MYRFL: variants seen among roughly 807,000 people sequenced by gnomAD.
The protein encoded by MYRFL is myelin regulatory factor like, also known as myelin regulatory factor-like protein.
Under a neutral mutation model 109.4 loss-of-function variants are expected in MYRFL, and 88 were observed. The ratio of observed to expected loss-of-function variants is 0.80; its 90% CI spans 0.68 to 0.96. The LOEUF is 0.96. MYRFL is among the 40% of genes least tolerant of loss of function. The pLI, the probability that MYRFL is intolerant of heterozygous loss-of-function variation, is 0.00. For synonymous variants in MYRFL, 324 were observed against 320.9 expected (o/e 1.01, Z -0.10); for missense variants, 957 against 954.9 (o/e 1.00, Z -0.03).
chr12:69,891,596 T>TCTCTTTCTTTCTTTCTTTCCTCCTTC (rs1244292732), intron 7 of MYRFL, among the ~76,000 whole-genome samples: 8 of 122,780 alleles, frequency 6.5e-5, no homozygotes, highest in Non-Finnish European at 1.4e-4. Flanking sequence ...TTTCTTTCTT[T>TCTCTTTCTTTCTTTCTTTCCTCCTTC]CTTTCTTTCT....
chr12:69,866,793 G>A (rs1371715860), intron 2 of MYRFL, among the ~76,000 whole-genome samples: 1 of 152,186 alleles, frequency 6.6e-6, no homozygotes, highest in African/African-American at 2.4e-5. Context: ...AGGACCAAAT[G>A]CTCTATAAAA....
intron 2 of MYRFL, among the ~76,000 whole-genome samples, chr12:69,859,534 G>C (rs550720269): frequency 6.6e-6 from 1 of 152,320 alleles, no homozygotes; most frequent in African/African-American, 2.4e-5. Flanking sequence ...AAAGTTATGT[G>C]GTTAAGTGCA....
intron 23 of MYRFL, 96 bp from the exon 24 acceptor site, chr12:69,958,153 C>T: frequency 8.2e-7 from 1 of 1,226,270 alleles, no homozygotes; most frequent in East Asian, 2.5e-5. Context: ...AATACTTCTC[C>T]TACAGTCATT....
At chr12:69,924,536 G>A (rs1393100741) in intron 13 of MYRFL, among the ~76,000 whole-genome samples, 1 of 150,010 alleles carries the variant, frequency 6.7e-6, no homozygotes, top group African/African-American at 2.5e-5. Flanking sequence ...GTTTGATTGT[G>A]GTCTCTTTTA....
In MYRFL at chr12:69,891,006, G is replaced by T; in HGVS notation, c.743G>T (p.Gly248Val). ...GGCTATCGAGTTGTAACAGACAAAGGATTTAATTTTTCACCAGCAGATGAA... is the reference window on the plus strand; with the variant it reads ...GGCTATCGAGTTGTAACAGACAAAGTATTTAATTTTTCACCAGCAGATGAA... ...DVGYRVVTDK[G>V]FNFSPADEAF... Residue 248 changes from glycine (G) to valine (V), a missense_variant, in exon 7 of 25, where the codon GGA becomes GTA. Coordinates refer to ENST00000552032, the MANE Select transcript of MYRFL (RefSeq NM_182530.3). The T allele has an allele frequency of 6.5e-7, 1 of 1,533,550 alleles. No individual in the cohort carries two copies. Among genetic ancestry groups the T allele is most frequent in the Non-Finnish European group, 8.7e-7 (1 of 1,145,796 alleles). 95.0% of individuals were successfully genotyped at this position (1,533,550 alleles called of 1,614,324 possible).
chr12:69,897,841 A>G (rs1954048936), intron 10 of MYRFL, among the ~76,000 whole-genome samples: 2 of 152,218 alleles, frequency 1.3e-5, no homozygotes, highest in African/African-American at 4.8e-5. Context: ...CATCTGGGCT[A>G]CTGTCTAGCA....
intron 19 of MYRFL, among the ~76,000 whole-genome samples, chr12:69,937,153 T>C (rs1363805052): frequency 6.6e-6 from 1 of 151,988 alleles, no homozygotes; most frequent in East Asian, 1.9e-4. Flanking sequence ...CATACCAATG[T>C]TATTCAAGTA....
rs1207384114 is a variant in MYRFL at position 69,852,578 on chromosome 12, A to G, written c.47-2702A>G. On this transcript the variant is annotated intron_variant, in intron 1 of 24. Coordinates refer to ENST00000552032, the MANE Select transcript of MYRFL (RefSeq NM_182530.3). ...GGCAGGCTGTTTATTTTTAATTTTT[A>G]ATTTTTTTTTTTTTTTTTTTTAGTA... Among the ~76,000 whole-genome samples the G allele has an allele frequency of 8.9e-5, 5 of 56,150 alleles. No individual in the cohort carries two copies. The East Asian group carries it at 1.5e-3, about 17-fold the overall frequency. The allele number at this position is 56,150 out of a possible 152,430, so 36.8% of individuals were successfully genotyped here.
At chr12:69,878,211 C>T (rs1885807800) in intron 2 of MYRFL, among the ~76,000 whole-genome samples, 1 of 142,424 alleles carries the variant, frequency 7.0e-6, no homozygotes. Flanking sequence ...TCACTGTACT[C>T]CAGCCTGGGT....
intron 2 of MYRFL, among the ~76,000 whole-genome samples, chr12:69,857,226 G>T (rs115292782): frequency 6.6e-6 from 1 of 151,624 alleles, no homozygotes; most frequent in Non-Finnish European, 1.5e-5. Context: ...ATTGATCTAC[G>T]TGCCTATCAT....
intron 15 of MYRFL, among the ~76,000 whole-genome samples, chr12:69,931,917 A>G (rs1303885301): frequency 6.6e-6 from 1 of 152,218 alleles, no homozygotes; most frequent in Admixed American, 6.5e-5. Flanking sequence ...AGTGTTGTAC[A>G]TAATACTGCT....
chr12:69,854,007 G>A (rs1884097264), intron 1 of MYRFL, among the ~76,000 whole-genome samples: 1 of 152,218 alleles, frequency 6.6e-6, no homozygotes, highest in Non-Finnish European at 1.5e-5. Context: ...GCTGGGAGGT[G>A]GAGGTTGTAG....
chr12:69,950,927 A>C (rs368162705), intron 19 of MYRFL, among the ~76,000 whole-genome samples: 20 of 152,354 alleles, frequency 1.3e-4, no homozygotes, highest in Middle Eastern at 3.4e-3. Flanking sequence ...TAATCAAAGA[A>C]AGACAGTTTC....
chr12:69,903,907 C>A, intron 11 of MYRFL, 63 bp downstream of exon 11: 1 of 1,424,968 alleles, frequency 7.0e-7, no homozygotes, highest in South Asian at 1.4e-5. Flanking sequence ...GCTGGGTGCT[C>A]CTGGCCTCTG....
Position 69,932,411 on chromosome 12 carries a change from CAA to C in MYRFL, c.1831-101_1831-100del, listed in dbSNP as rs558223553. 51 of 740,714 alleles carry C rather than the reference CAA, an allele frequency of 6.9e-5. No individual in the cohort carries two copies. The African/African-American group carries it at 7.2e-4, about 10-fold the overall frequency. 45.9% of individuals were successfully genotyped at this position (740,714 alleles called of 1,614,324 possible). On this transcript the variant is annotated intron_variant, in intron 15 of 24. Transcript: ENST00000552032. ...ATTGAGGCAAGCACTCAAACTATCC[CAA>C]GAGAGCAGCAAATACCCCTGCTGGG... is the stretch of plus-strand genomic sequence containing the variant.
In MYRFL at chr12:69,936,433, C is replaced by A; in HGVS notation, c.2045-20C>A. 2.0e-6 allele frequency: 3 copies of A among 1,532,464 alleles called. No homozygotes were observed. The highest frequency in any genetic ancestry group is 2.6e-6 in the Non-Finnish European group (3 of 1,144,342). 94.9% of individuals were successfully genotyped at this position (1,532,464 alleles called of 1,614,324 possible). ...GGTTAACCTTCTTGCTTCCCCTCCC[C>A]CCTGCCCAATGCCTTGCAGCACCTA... On this transcript the variant is annotated intron_variant, in intron 18 of 24. Coordinates refer to ENST00000552032, the MANE Select transcript of MYRFL (RefSeq NM_182530.3).
chr12:69,919,244 GA>G (rs766098604), intron 13 of MYRFL, among the ~76,000 whole-genome samples: 3 of 152,162 alleles, frequency 2.0e-5, no homozygotes, highest in Non-Finnish European at 4.4e-5. Flanking sequence ...ATCTTGGTAA[GA>G]CAAGAAATCA....
chr12:69,835,294 C>T (rs1882867254), intron 1 of MYRFL, among the ~76,000 whole-genome samples: 1 of 152,180 alleles, frequency 6.6e-6, no homozygotes, highest in Admixed American at 6.5e-5. Flanking sequence ...CAGATCTGAA[C>T]TAAATTCTCT....
intron 1 of MYRFL, among the ~76,000 whole-genome samples, chr12:69,830,519 G>T (rs1310522846): frequency 6.6e-6 from 1 of 151,372 alleles, no homozygotes; most frequent in African/African-American, 2.4e-5. Flanking sequence ...TAATTTCAGA[G>T]ATGCAGGAGT....
Sources: gnomAD v4.1 joint callset for allele counts (sites outside exome capture counted in the v4.1 genomes callset) on GRCh38, gnomAD v4.1.1 for gene constraint, MANE v1.5 for transcripts, NCBI Gene and HGNC (gene_info 2026-07-23, HGNC 2026-07-21) for gene names.